Variants in PCDHA4 observed in about 807,000 individuals in gnomAD.
The protein encoded by PCDHA4 is protocadherin alpha-4.
In PCDHA4, 49 loss-of-function variants were observed where a neutral mutation model predicts 61.4. The observed-to-expected ratio is 0.80, with a 90% CI of 0.63 to 1.01. PCDHA4 has a LOEUF of 1.01. PCDHA4 is among the 50% of genes least tolerant of loss of function. PCDHA4 has a pLI of 0.00. For synonymous variants in PCDHA4, 590 were observed against 550.3 expected (o/e 1.07, Z -1.01); for missense variants, 1,254 against 1,235.8 (o/e 1.01, Z -0.22).
chr5:140,986,358 A>C (rs1440671712), intron 3 of PCDHA4, among the ~76,000 whole-genome samples: 1 of 152,116 alleles, frequency 6.6e-6, no homozygotes, highest in African/African-American at 2.4e-5. Context: ...CTTCAGATGG[A>C]GGAATGCGTT....
chr5:141,009,701 C>G lies in PCDHA4; in HGVS notation c.2608C>G (p.Pro870Ala). The G allele has an allele frequency of 6.2e-7, 1 of 1,614,036 alleles. No homozygotes were observed. Among genetic ancestry groups the G allele is most frequent in the South Asian group, 1.1e-5 (1 of 91,056 alleles). The change falls in exon 4 of 4, where the codon CCA (proline) becomes GCA (alanine). Residue 870 changes from proline to alanine, a missense_variant. Coordinates refer to ENST00000530339, the MANE Select transcript of PCDHA4 (RefSeq NM_018907.4). ...NSNSWTFKYG[P>A]GNPKQSGPGE... ...CAACAGCTGGACCTTTAAATACGGA[C>G]CAGGCAACCCCAAACAATCCGGTCC...
At chr5:140,936,527 T>G (rs533687361) in intron 1 of PCDHA4, among the ~76,000 whole-genome samples, 3 of 152,368 alleles carry the variant, frequency 2.0e-5, no homozygotes, top group African/African-American at 7.2e-5. Context: ...CTGAAATTGC[T>G]TTTGAATATA....
chr5:140,885,229 C>A (rs1410460890), intron 1 of PCDHA4, among the ~76,000 whole-genome samples: 2 of 151,932 alleles, frequency 1.3e-5, no homozygotes, highest in African/African-American at 4.8e-5. Context: ...TGTGATTCTG[C>A]TTTCAATTTT....
At chr5:140,823,145 C>T in intron 1 of PCDHA4, 7 of 1,614,012 alleles carry the variant, frequency 4.3e-6, no homozygotes, top group Non-Finnish European at 5.1e-6. Context: ...TTCGCGCAGC[C>T]CCAGTATACC....
intron 1 of PCDHA4, chr5:140,855,960 T>A (rs933070909): frequency 4.3e-6 from 6 of 1,398,506 alleles, no homozygotes; most frequent in East Asian, 2.3e-5. Flanking sequence ...CGATAAAAAA[T>A]AGATATAAGA....
chr5:140,882,050 T>A, intron 1 of PCDHA4: 1 of 756,750 alleles, frequency 1.3e-6, no homozygotes, highest in African/African-American at 1.8e-5. Flanking sequence ...GAGTCATACT[T>A]ACACTTACAC....
intron 1 of PCDHA4, among the ~76,000 whole-genome samples, chr5:140,942,637 A>C (rs1175766630): frequency 6.6e-6 from 1 of 152,178 alleles, no homozygotes; most frequent in African/African-American, 2.4e-5. Context: ...AAAATGGCAA[A>C]AGAGATCTCA....
intron 1 of PCDHA4, among the ~76,000 whole-genome samples, chr5:140,957,433 A>G (rs2095359030): frequency 6.6e-6 from 1 of 152,202 alleles, no homozygotes; most frequent in Non-Finnish European, 1.5e-5. Flanking sequence ...TACTGTGCCT[A>G]ATTTATAAAT....
rs150829264 is a variant in PCDHA4 at position 140,948,791 on chromosome 5, A to G, written c.2386-30158A>G. 2.3e-3 allele frequency among the ~76,000 whole-genome samples: 342 copies of G among 151,342 alleles called. 1 individual carries two copies. Among genetic ancestry groups the G allele is most frequent in the Non-Finnish European group, 4.4e-3 (295 of 67,454 alleles). ...ATAGCCAGCTTTTGGCTTTGTTGAT[A>G]TATTTTCTATTGTTTGGTTTCTATT... On this transcript the variant is annotated intron_variant, in intron 1 of 3. Coordinates refer to ENST00000530339, the MANE Select transcript of PCDHA4 (RefSeq NM_018907.4).
At chr5:140,959,428 A>AT (rs2095488424) in intron 1 of PCDHA4, among the ~76,000 whole-genome samples, 1 of 152,102 alleles carries the variant, frequency 6.6e-6, no homozygotes, top group Non-Finnish European at 1.5e-5. Context: ...GAATTTGTGT[A>AT]TTTTTTTCTA....
chr5:140,913,781 A>G (rs1554196050), intron 1 of PCDHA4, among the ~76,000 whole-genome samples: 2 of 151,976 alleles, frequency 1.3e-5, no homozygotes, highest in African/African-American at 4.8e-5. Flanking sequence ...TTGTGTTTCC[A>G]TTATCATTTG....
intron 1 of PCDHA4, among the ~76,000 whole-genome samples, chr5:140,942,273 G>C (rs1360564646): frequency 6.6e-6 from 1 of 152,132 alleles, no homozygotes; most frequent in South Asian, 2.1e-4. Context: ...AGCTGGTAAT[G>C]GTGGCTCATG....
chr5:140,816,308 T>G (rs2126670497), intron 1 of PCDHA4: 4 of 152,234 alleles, frequency 2.6e-5, no homozygotes, highest in Non-Finnish European at 5.9e-5. Context: ...TCTGTAAAAT[T>G]TTCAGTTCAA....
At chr5:140,870,990 G>C in intron 1 of PCDHA4, 6 of 1,613,518 alleles carry the variant, frequency 3.7e-6, no homozygotes, top group Non-Finnish European at 5.1e-6. Flanking sequence ...ACACGGGCGA[G>C]ATAAGCACAA....
intron 1 of PCDHA4, chr5:140,866,074 T>C (rs1409925126): frequency 6.6e-6 from 1 of 152,180 alleles, no homozygotes; most frequent in Non-Finnish European, 1.5e-5. Context: ...CTGAGATAGG[T>C]ATTTTGGTTA....
At chr5:140,954,007 C>T (rs1277033706) in intron 1 of PCDHA4, among the ~76,000 whole-genome samples, 4 of 152,144 alleles carry the variant, frequency 2.6e-5, no homozygotes, top group Non-Finnish European at 4.4e-5. Flanking sequence ...CATCATTCAG[C>T]TCCCACACAT....
intron 1 of PCDHA4, chr5:140,849,562 C>G (rs1188964395): frequency 6.3e-7 from 1 of 1,598,438 alleles, no homozygotes; most frequent in Non-Finnish European, 8.6e-7. Context: ...AAAACGCTCT[C>G]GGTTCCTGTA....
intron 1 of PCDHA4, chr5:140,928,865 A>G: frequency 6.2e-7 from 1 of 1,614,072 alleles, no homozygotes; most frequent in Non-Finnish European, 8.5e-7. Flanking sequence ...CTGTTGAGCA[A>G]CTCTGTCCCT....
intron 1 of PCDHA4, among the ~76,000 whole-genome samples, chr5:140,896,526 A>G (rs1554186988): frequency 6.9e-6 from 1 of 144,852 alleles, no homozygotes; most frequent in African/African-American, 2.5e-5. Context: ...CACAAAGCCC[A>G]GCTATTTTTC....
Sources: allele counts gnomAD v4.1 joint callset (sites outside exome capture counted in the v4.1 genomes callset), GRCh38; gene constraint gnomAD v4.1.1; transcripts MANE v1.5; gene names NCBI Gene and HGNC (gene_info 2026-07-23, HGNC 2026-07-21).